DNAJA4: variants seen among roughly 807,000 people sequenced by gnomAD.
The protein encoded by DNAJA4 is DnaJ heat shock protein family (Hsp40) member A4, also known as dnaJ homolog subfamily A member 4.
A neutral mutation model predicts 39.7 loss-of-function variants in DNAJA4; 32 were observed. That is an observed-to-expected ratio of 0.81 (90% CI 0.61 to 1.08). The LOEUF (loss-of-function observed/expected upper bound fraction) is 1.08. DNAJA4 is among the 50% of genes least tolerant of loss of function. The pLI is 0.00. For synonymous variants in DNAJA4, 184 were observed against 182.4 expected, an observed-to-expected ratio of 1.01 and a Z score of -0.07; for missense variants, 439 against 505.1, an observed-to-expected ratio of 0.87 and a Z score of 1.25.
intron 2 of DNAJA4, among the ~76,000 whole-genome samples, chr15:78,271,405 C>T (rs2049291852): frequency 6.6e-6 from 1 of 152,126 alleles, no homozygotes; most frequent in African/African-American, 2.4e-5. Context: ...GTTCCCTGAC[C>T]TGGGCGTGGG....
At position 78,280,431 on chromosome 15, in the gene DNAJA4, C is replaced by T; in HGVS notation, c.1165C>T (p.Gln389Ter). The change falls in exon 7 of 7, where the codon CAG becomes TAG. Residue 389 changes from glutamine to a stop codon, truncating the protein, a stop_gained. Transcript: ENST00000394852. LOFTEE classifies it high-confidence loss of function. ...CTACGAGGAGGACGAAGACGGGCCC[C>T]AGGCTGGAGTGCAGTGCCAGACGGC... ...EAYEEDEDGP[Q>*]AGVQCQTA is the part of the protein sequence containing the mutation. 1 of 1,612,932 alleles carries T rather than the reference C, an allele frequency of 6.2e-7. No homozygotes were observed. Among genetic ancestry groups the T allele is most frequent in the Non-Finnish European group, 8.5e-7 (1 of 1,179,750 alleles).
Position 78,270,606 on chromosome 15 carries a change from G to C in DNAJA4, c.242G>C (p.Ser81Thr). ...AAAGAAGGAGGCTCAGGCAGCCCCAGCTTCTCTTCACCCATGGACATCTTT... is the reference window on the plus strand; with the variant it reads ...AAAGAAGGAGGCTCAGGCAGCCCCACCTTCTCTTCACCCATGGACATCTTT... Reference protein sequence around the residue: ...AIKEGGSGSPSFSSPMDIFDM... With the variant: ...AIKEGGSGSPTFSSPMDIFDM... Residue 81 changes from serine to threonine, a missense_variant, in exon 2 of 7, where the codon AGC becomes ACC. Transcript: ENST00000394852. The C allele has an allele frequency of 6.2e-7, 1 of 1,614,226 alleles. No homozygotes were observed. Among genetic ancestry groups the C allele is most frequent in the Non-Finnish European group, 8.5e-7 (1 of 1,180,040 alleles).
rs546923825 is a variant in DNAJA4, at chr15:78,267,313, A to C, written c.132+2418A>C. Among the ~76,000 whole-genome samples the C allele has an allele frequency of 2.0e-5, 3 of 152,106 alleles. No homozygotes were observed. In the South Asian group the frequency reaches 6.2e-4, roughly 32 times the overall value. On this transcript the variant is annotated intron_variant, in intron 1 of 6. Coordinates refer to ENST00000394852, the MANE Select transcript of DNAJA4 (RefSeq NM_001130182.2). ...ATTATTAACGTCTCTTCAAAAATAG[A>C]CTACACCAGTTCTTTACCCCTTGCT...
chr15:78,278,826 A>ATTTTTTTTTTT (rs33990133), intron 5 of DNAJA4, among the ~76,000 whole-genome samples: 6 of 87,480 alleles, frequency 6.9e-5, no homozygotes, highest in African/African-American at 9.5e-5. Context: ...TAGTTTTTCT[A>ATTTTTTTTTTT]TTTTTTTTTT....
At position 78,264,865 on chromosome 15, in the gene DNAJA4, C is replaced by A. The variant is rs1488274876; in HGVS notation, c.102C>A (p.His34Gln). The change falls in exon 1 of 7, where the codon CAC (histidine) becomes CAA (glutamine). Residue 34 changes from histidine (H) to glutamine (Q), a missense_variant. His to Gln is a conservative substitution (Grantham distance 24). Transcript: ENST00000394852. ...ATCGGAAGCTGGCGCTCAAGTACCA[C>A]CCGGACAAGAACCCGGATGAGGGCG... ...KAYRKLALKYHPDKNPDEGEK... is the reference protein window; with the variant it reads ...KAYRKLALKYQPDKNPDEGEK... 6.2e-7 allele frequency: 1 copy of A among 1,606,060 alleles called. No homozygotes were observed. Among genetic ancestry groups the A allele is most frequent in the South Asian group, 1.1e-5 (1 of 90,094 alleles).
At position 78,280,742 on chromosome 15, in the gene DNAJA4, C is replaced by T; in HGVS notation, c.*282C>T. On this transcript the variant is annotated 3_prime_UTR_variant, in exon 7 of 7. Coordinates refer to ENST00000394852, the MANE Select transcript of DNAJA4 (RefSeq NM_001130182.2). Reference sequence around the variant, plus strand: ...TACTTTTGAGATGTCAGTGATTGCACCAATACTTTGTGCTTCTAGTGGCTT... The same window carrying T: ...TACTTTTGAGATGTCAGTGATTGCATCAATACTTTGTGCTTCTAGTGGCTT... The T allele has an allele frequency of 2.9e-6, 1 of 345,864 alleles. No homozygotes were observed. Among genetic ancestry groups the T allele is most frequent in the Non-Finnish European group, 5.3e-6 (1 of 189,614 alleles). 21.4% of individuals were successfully genotyped at this position (345,864 alleles called of 1,614,324 possible).
At chr15:78,271,459 G>A (rs2141442243) in intron 2 of DNAJA4, among the ~76,000 whole-genome samples, 1 of 152,314 alleles carries the variant, frequency 6.6e-6, no homozygotes, top group Non-Finnish European at 1.5e-5. Context: ...GCCATGTTCA[G>A]TATGGCCTCA....
intron 4 of DNAJA4, 133 bp from the exon 5 acceptor site, chr15:78,275,365 C>A: frequency 1.4e-6 from 1 of 708,280 alleles, no homozygotes; most frequent in Non-Finnish European, 2.3e-6. Context: ...CCCCTCCCTG[C>A]CTTGTGCCTG....
At chr15:78,270,179 C>A (rs1234443776) in intron 1 of DNAJA4, 1 of 226,856 alleles carries the variant, frequency 4.4e-6, no homozygotes, top group Non-Finnish European at 8.6e-6. Context: ...GGCACTGTCT[C>A]ATGGTATCCT....
intron 4 of DNAJA4, 42 bp downstream of exon 4, chr15:78,274,466 G>A: frequency 6.3e-7 from 1 of 1,575,278 alleles, no homozygotes; most frequent in Non-Finnish European, 8.7e-7. Context: ...GGCTGGAAAT[G>A]CTGTCTGGGT....
At chr15:78,275,243 G>T (rs2141454916) in intron 4 of DNAJA4, 2 of 495,912 alleles carry the variant, frequency 4.0e-6, no homozygotes, top group East Asian at 6.7e-5. Context: ...AGGGAGTGCT[G>T]TGTAAACCTG....
In DNAJA4 at chr15:78,281,571, T is replaced by G. The variant is rs928315004; in HGVS notation, c.*1111T>G. 7 of 152,218 alleles carry G rather than the reference T, an allele frequency of 4.6e-5. No individual in the cohort carries two copies. Among genetic ancestry groups the G allele is most frequent in the Admixed American group, 1.3e-4 (2 of 15,288 alleles). 9.4% of individuals were successfully genotyped at this position (152,218 alleles called of 1,614,324 possible). On this transcript the variant is annotated 3_prime_UTR_variant, in exon 7 of 7. Coordinates refer to ENST00000394852, the MANE Select transcript of DNAJA4 (RefSeq NM_001130182.2). The stretch of plus-strand genomic sequence containing the variant: ...ATGGACTACTACTGTAAATTATAGC[T>G]TGTTTGGAGGGATATTAGTCATTAT...
chr15:78,274,310 T>A lies in DNAJA4; in HGVS notation c.532T>A (p.Cys178Ser). The A allele has an allele frequency of 6.2e-7, 1 of 1,614,162 alleles. No individual in the cohort carries two copies. Among genetic ancestry groups the A allele is most frequent in the Non-Finnish European group, 8.5e-7 (1 of 1,180,030 alleles). ...CATGGTACAGCAGATCCAGACCGTGTGCATCGAGTGCAAGGGCCAGGGTGA... is the reference window on the plus strand; with the variant it reads ...CATGGTACAGCAGATCCAGACCGTGAGCATCGAGTGCAAGGGCCAGGGTGA... ...PGMVQQIQTV[C>S]IECKGQGERI... The change falls in exon 4 of 7, where the codon TGC becomes AGC. Residue 178 changes from cysteine to serine, a missense_variant. Transcript: ENST00000394852.
At position 78,272,491 on chromosome 15, in the gene DNAJA4, C is replaced by T. The variant is rs1024898840; in HGVS notation, c.314-604C>T. 3.3e-5 allele frequency among the ~76,000 whole-genome samples: 5 copies of T among 152,352 alleles called. No individual in the cohort carries two copies. In the East Asian group the frequency reaches 5.8e-4, roughly 18 times the overall value. On this transcript the variant is annotated intron_variant, in intron 2 of 6. Transcript: ENST00000394852. Reference sequence around the variant, plus strand: ...CATCTCAGTGACTGCAGGAGCTCCACGGGCAGCAGGGAGGGTCTTGATGCT... The same window carrying T: ...CATCTCAGTGACTGCAGGAGCTCCATGGGCAGCAGGGAGGGTCTTGATGCT...
At chr15:78,270,793 C>T (rs1177670650) in intron 2 of DNAJA4, 116 bp downstream of exon 2, 26 of 1,162,456 alleles carry the variant, frequency 2.2e-5, no homozygotes, top group Non-Finnish European at 2.9e-5. Context: ...CGCGGTGGTT[C>T]ATGTCTGTAA....
chr15:78,268,978 G>A (rs1409699051), intron 1 of DNAJA4, among the ~76,000 whole-genome samples: 1 of 152,236 alleles, frequency 6.6e-6, no homozygotes, highest in Non-Finnish European at 1.5e-5. Flanking sequence ...AAGGTGGTCT[G>A]TGAGCTAAGG....
At chr15:78,266,198 G>T in intron 1 of DNAJA4, 2 of 1,612,230 alleles carry the variant, frequency 1.2e-6, no homozygotes, top group Non-Finnish European at 1.7e-6. Flanking sequence ...TTTAAGGAGA[G>T]CTTGTAGGCT....
chr15:78,271,282 C>T (rs767613081), intron 2 of DNAJA4, among the ~76,000 whole-genome samples: 1 of 152,148 alleles, frequency 6.6e-6, no homozygotes, highest in Non-Finnish European at 1.5e-5. Context: ...TTGTTGGGGT[C>T]AGGCACCAGA....
intron 1 of DNAJA4, among the ~76,000 whole-genome samples, chr15:78,268,998 G>A (rs892901700): frequency 2.0e-5 from 3 of 152,246 alleles, no homozygotes; most frequent in Non-Finnish European, 4.4e-5. Context: ...GCTGGAAAGA[G>A]ATGAGTCGGG....
Sources: gnomAD v4.1 joint callset for allele counts (sites outside exome capture counted in the v4.1 genomes callset) on GRCh38, gnomAD v4.1.1 for gene constraint, MANE v1.5 for transcripts, NCBI Gene and HGNC (gene_info 2026-07-23, HGNC 2026-07-21) for gene names.